Variants in GLI3 observed in about 807,000 individuals in gnomAD.
The protein encoded by GLI3 is transcription activator GLI3.
In GLI3, 20 loss-of-function variants were observed where a neutral mutation model predicts 100.8. The observed-to-expected ratio is 0.20, with a 90% CI of 0.14 to 0.29. The LOEUF is 0.29. Among genes scored for constraint, GLI3 ranks in the 10% least tolerant of loss-of-function variants. GLI3 has a pLI of 1.00. For missense variants in GLI3, 2,040 were observed against 2,128.5 expected (o/e 0.96, Z 0.82); for synonymous variants, 938 against 860.5 (o/e 1.09, Z -1.58).
At chr7:42,231,041 A>T (rs1788686718) in intron 1 of GLI3, among the ~76,000 whole-genome samples, 1 of 152,162 alleles carries the variant, frequency 6.6e-6, no homozygotes. Context: ...GTTTTCACAC[A>T]TTTTCAGAAG....
chr7:42,258,516 T>C (rs1789108114), intron 1 of GLI3, among the ~76,000 whole-genome samples: 1 of 152,214 alleles, frequency 6.6e-6, no homozygotes, highest in East Asian at 1.9e-4. Context: ...GCCTTCTTGG[T>C]TTTCCTATAC....
intron 1 of GLI3, among the ~76,000 whole-genome samples, chr7:42,229,433 T>G (rs1788651553): frequency 6.6e-6 from 1 of 152,204 alleles, no homozygotes; most frequent in Non-Finnish European, 1.5e-5. Context: ...AATTATTCCG[T>G]GTAGTTTAGG....
At chr7:42,023,982 G>A (rs1057028501) in intron 9 of GLI3, among the ~76,000 whole-genome samples, 1 of 151,948 alleles carries the variant, frequency 6.6e-6, no homozygotes, top group Non-Finnish European at 1.5e-5. Flanking sequence ...ATCAAATCAG[G>A]TCTTTACCCA....
At chr7:42,019,834 C>A (rs1485791568) in intron 10 of GLI3, among the ~76,000 whole-genome samples, 3 of 152,100 alleles carry the variant, frequency 2.0e-5, no homozygotes, top group Non-Finnish European at 1.5e-5. Context: ...ACTCCTCTTG[C>A]TTTTTTGTTT....
At position 41,972,287 on chromosome 7, in the gene GLI3, C is replaced by A; in HGVS notation, c.2103+50G>T. ...CTGTCCCTCTATGCACCCTACCTGG[C>A]TCTTTTAAATGGGCCTGCTGTGAAG... On this transcript the variant is annotated intron_variant, in intron 13 of 14. Transcript: ENST00000395925. The surrounding 1 kb of genome is among the most constrained non-coding windows in gnomAD (Gnocchi z 4.4). 1 of 1,559,486 alleles carries A rather than the reference C, an allele frequency of 6.4e-7. No individual in the cohort carries two copies.
intron 3 of GLI3, chr7:42,113,515 GA>G: frequency 5.1e-5 from 58 of 1,133,256 alleles, no homozygotes; most frequent in Non-Finnish European, 7.1e-5. Context: ...TACCCAAAGG[GA>G]AAAAGGGAAA....
At chr7:42,112,134 G>C (rs989327519) in intron 3 of GLI3, among the ~76,000 whole-genome samples, 1 of 152,184 alleles carries the variant, frequency 6.6e-6, no homozygotes, top group Non-Finnish European at 1.5e-5. Context: ...TTCATCTGCC[G>C]TCTATGATAA....
At chr7:42,202,396 A>G (rs1264491667) in intron 2 of GLI3, among the ~76,000 whole-genome samples, 1 of 150,612 alleles carries the variant, frequency 6.6e-6, no homozygotes, top group Non-Finnish European at 1.5e-5. Context: ...ACACACACAC[A>G]GGGCAAATCA....
chr7:42,148,109 A>G, intron 3 of GLI3, 117 bp downstream of exon 3: 2 of 1,085,166 alleles, frequency 1.8e-6, no homozygotes, highest in South Asian at 1.9e-5. Context: ...TTAATAAATT[A>G]TACAAGCCAA....
chr7:42,104,332 C>T lies in GLI3; in HGVS notation c.368-27475G>A, dbSNP rs567042995. On this transcript the variant is annotated intron_variant, in intron 3 of 14. Coordinates refer to ENST00000395925, the MANE Select transcript of GLI3 (RefSeq NM_000168.6). The stretch of plus-strand genomic sequence containing the variant: ...TACCCAGTTCAGTCTCCTGTGAAGA[C>T]GCCCTGACATCTGCACCCTCCAGCC... Among the ~76,000 whole-genome samples the T allele has an allele frequency of 9.2e-5, 14 of 152,320 alleles. 1 individual carries two copies. The South Asian group carries it at 1.9e-3, about 20-fold the overall frequency.
chr7:42,056,164 G>C (rs367971169), intron 4 of GLI3, among the ~76,000 whole-genome samples: 5 of 152,130 alleles, frequency 3.3e-5, no homozygotes, highest in African/African-American at 9.7e-5. Flanking sequence ...GCCCAGTCTC[G>C]GGCATGTCTT....
intron 1 of GLI3, among the ~76,000 whole-genome samples, chr7:42,257,354 CTT>C (rs61449410): frequency 0.081 from 10,540 of 130,188 alleles, 532 homozygotes; most frequent in African/African-American, 0.21. Flanking sequence ...ATCATTCAGT[CTT>C]TTTTTTTTTT....
intron 3 of GLI3, among the ~76,000 whole-genome samples, chr7:42,077,931 C>T (rs1182090892): frequency 6.6e-6 from 1 of 152,272 alleles, no homozygotes; most frequent in East Asian, 1.9e-4. Flanking sequence ...TCAAATGTGA[C>T]GGGTCCACAC....
At chr7:41,990,373 G>A (rs1246880802) in intron 10 of GLI3, among the ~76,000 whole-genome samples, 1 of 152,088 alleles carries the variant, frequency 6.6e-6, no homozygotes, top group African/African-American at 2.4e-5. Flanking sequence ...CATGCAGTGT[G>A]ATTCCAAGAA....
intron 10 of GLI3, among the ~76,000 whole-genome samples, chr7:41,992,389 A>C (rs1411200994): frequency 1.3e-5 from 2 of 152,234 alleles, no homozygotes; most frequent in African/African-American, 4.8e-5. Flanking sequence ...AACATATCAT[A>C]GTGGAGATGC....
rs187952404 is a variant in GLI3 at position 41,997,509 on chromosome 7, C to T, written c.1498-18761G>A. 3.2e-4 allele frequency among the ~76,000 whole-genome samples: 48 copies of T among 152,142 alleles called. No homozygotes were observed. In the East Asian group the frequency reaches 7.9e-3, roughly 25 times the overall value. ...GTATCAGATCCACTATTGCTCTTTG[C>T]GGTCATATGATTAGATGAGCAAAAG... On this transcript the variant is annotated intron_variant, in intron 10 of 14. Transcript: ENST00000395925.
intron 2 of GLI3, chr7:42,172,684 T>G (rs986620875): frequency 2.0e-5 from 14 of 699,810 alleles, no homozygotes; most frequent in Admixed American, 1.0e-4. Context: ...TCCAAATGGT[T>G]GCCTGGGAGA....
intron 2 of GLI3, among the ~76,000 whole-genome samples, chr7:42,184,585 A>G (rs35959088): frequency 0.61 from 92,123 of 152,050 alleles, 28,880 homozygotes; most frequent in African/African-American, 0.75. Context: ...AATAAATGTG[A>G]ATTGTTTTAA....
At chr7:42,160,901 T>C (rs1787116963) in intron 2 of GLI3, among the ~76,000 whole-genome samples, 2 of 152,156 alleles carry the variant, frequency 1.3e-5, no homozygotes. Flanking sequence ...TAATAATCTA[T>C]AATTAAAACT....
Sources: gnomAD v4.1 joint callset for allele counts (sites outside exome capture counted in the v4.1 genomes callset) on GRCh38, gnomAD v4.1.1 for gene constraint, Gnocchi (gnomAD v3.1) non-coding constraint, MANE v1.5 for transcripts, NCBI Gene and HGNC (gene_info 2026-07-23, HGNC 2026-07-21) for gene names.